TTC8: variants seen among roughly 807,000 people sequenced by gnomAD.
TTC8 encodes the protein tetratricopeptide repeat domain 8.
Under a neutral mutation model 72.5 loss-of-function variants are expected in TTC8, and 47 were observed. That is an observed-to-expected ratio of 0.65 (90% CI 0.51 to 0.83). The LOEUF (loss-of-function observed/expected upper bound fraction) is 0.83, where lower values mean the gene tolerates loss of function less well. TTC8 is among the 40% of genes least tolerant of loss of function. The pLI is 0.00. For synonymous variants in TTC8, 199 were observed against 221.4 expected, an observed-to-expected ratio of 0.90 and a Z score of 0.90; for missense variants, 611 against 623.2, an observed-to-expected ratio of 0.98 and a Z score of 0.21.
chr14:88,879,272 T>A (rs541749819), downstream of TTC8: 1 of 152,298 alleles, frequency 6.6e-6, no homozygotes, highest in Admixed American at 6.5e-5. Flanking sequence ...CAACATTTCC[T>A]ATGGACTGCG....
chr14:88,869,452 A>T (rs905427993), intron 10 of TTC8, among the ~76,000 whole-genome samples: 1 of 152,014 alleles, frequency 6.6e-6, no homozygotes, highest in Non-Finnish European at 1.5e-5. Context: ...TTCTTTCAAA[A>T]TGCAAATATG....
intron 7 of TTC8, among the ~76,000 whole-genome samples, chr14:88,844,603 G>A (rs1396897881): frequency 6.6e-6 from 1 of 151,702 alleles, no homozygotes; most frequent in African/African-American, 2.4e-5. Flanking sequence ...GGAATGCAGT[G>A]GTATTATCAC....
intron 12 of TTC8, 104 bp from the exon 13 acceptor site, chr14:88,872,226 G>A: frequency 6.7e-7 from 1 of 1,487,466 alleles, no homozygotes. Context: ...TAATTGTATG[G>A]TACTTGATGC....
At chr14:88,827,324 T>C (rs1004647557) in intron 1 of TTC8, among the ~76,000 whole-genome samples, 3 of 152,246 alleles carry the variant, frequency 2.0e-5, no homozygotes, top group Non-Finnish European at 4.4e-5. Context: ...TTTATTTTTA[T>C]GAGCAAGGGT....
At chr14:88,854,994 C>G (rs1403997679) in intron 8 of TTC8, among the ~76,000 whole-genome samples, 1 of 152,182 alleles carries the variant, frequency 6.6e-6, no homozygotes, top group African/African-American at 2.4e-5. Context: ...GCCATACTCC[C>G]ATTATTATGT....
Position 88,824,667 on chromosome 14 carries a change from T to C in TTC8, c.-41T>C, listed in dbSNP as rs1441501138. On this transcript the variant is annotated 5_prime_UTR_variant, in exon 1 of 15. Transcript: ENST00000380656. ...CAGCTCTTCACTCCACGCCCACCTC[T>C]CTCCTGGAGCGCTGGGCCTTCGCTG... 2.6e-6 allele frequency: 4 copies of C among 1,529,888 alleles called. No homozygotes were observed. The South Asian group carries it at 4.7e-5, about 18-fold the overall frequency. 94.8% of individuals were successfully genotyped at this position (1,529,888 alleles called of 1,614,324 possible). A position where few individuals can be genotyped will look rare whatever the true frequency, so the allele number is the denominator to read the frequency against.
At chr14:88,864,200 T>C (rs2094900055) in intron 10 of TTC8, among the ~76,000 whole-genome samples, 2 of 152,252 alleles carry the variant, frequency 1.3e-5, no homozygotes, top group South Asian at 2.1e-4. Context: ...AAAAGTATTT[T>C]AACATTGTCT....
At chr14:88,842,234 A>G (rs111490524) in intron 6 of TTC8, among the ~76,000 whole-genome samples, 1 of 152,196 alleles carries the variant, frequency 6.6e-6, no homozygotes, top group South Asian at 2.1e-4. Flanking sequence ...TTTAGCTGAA[A>G]TCTCTGAGCA....
At chr14:88,833,947 T>C in intron 2 of TTC8, 1 of 558,426 alleles carries the variant, frequency 1.8e-6, no homozygotes, top group Non-Finnish European at 3.2e-6. Flanking sequence ...GTCTACTCAT[T>C]GGGACTTGGA....
At chr14:88,829,701 A>G (rs967519100) in intron 1 of TTC8, among the ~76,000 whole-genome samples, 2 of 152,232 alleles carry the variant, frequency 1.3e-5, no homozygotes, top group Non-Finnish European at 2.9e-5. Flanking sequence ...ATCTCTGCTT[A>G]TAATGAGAGA....
intron 14 of TTC8, among the ~76,000 whole-genome samples, chr14:88,875,558 T>C (rs1190700849): frequency 6.6e-6 from 1 of 152,176 alleles, no homozygotes; most frequent in African/African-American, 2.4e-5. Context: ...GAAATAATAC[T>C]GTGTTGCAAG....
intron 2 of TTC8, 80 bp downstream of exon 2, chr14:88,833,802 A>C: frequency 7.7e-7 from 1 of 1,297,916 alleles, no homozygotes; most frequent in Admixed American, 1.7e-5. Flanking sequence ...AGATTAGAAA[A>C]TTTGCTGCAT....
At chr14:88,857,546 C>T (rs1223164073) in intron 9 of TTC8, among the ~76,000 whole-genome samples, 1 of 152,144 alleles carries the variant, frequency 6.6e-6, no homozygotes, top group Non-Finnish European at 1.5e-5. Context: ...GCTCACTACT[C>T]GCATAGGTAA....
chr14:88,872,488 C>T, intron 13 of TTC8, 36 bp downstream of exon 13: 1 of 1,611,514 alleles, frequency 6.2e-7, no homozygotes, highest in Non-Finnish European at 8.5e-7. Flanking sequence ...GGGCAGTCTG[C>T]TTTCTTCAGA....
intron 8 of TTC8, 78 bp downstream of exon 8, chr14:88,853,134 G>T (rs555186787): frequency 1.9e-6 from 2 of 1,045,324 alleles, no homozygotes; most frequent in Non-Finnish European, 3.0e-6. Flanking sequence ...TTTGAGGGGG[G>T]GGAGATTTTC....
intron 1 of TTC8, among the ~76,000 whole-genome samples, 190 bp from the exon 2 acceptor site, chr14:88,833,503 A>G (rs1172324530): frequency 1.3e-5 from 2 of 152,252 alleles, no homozygotes; most frequent in African/African-American, 4.8e-5. Flanking sequence ...TTGAAAATTT[A>G]GCATTCTTCA....
intron 9 of TTC8, among the ~76,000 whole-genome samples, chr14:88,860,265 A>G (rs1393633115): frequency 6.6e-6 from 1 of 152,000 alleles, no homozygotes; most frequent in East Asian, 1.9e-4. Flanking sequence ...TTTTTTCTCA[A>G]AGCACACCCT....
chr14:88,865,661 T>G (rs948810094), intron 10 of TTC8, among the ~76,000 whole-genome samples: 1 of 152,062 alleles, frequency 6.6e-6, no homozygotes, highest in Non-Finnish European at 1.5e-5. Flanking sequence ...AGAGTGAAAC[T>G]CCATCTCAAA....
chr14:88,856,781 T>C (rs1248044817), intron 8 of TTC8, among the ~76,000 whole-genome samples: 1 of 152,264 alleles, frequency 6.6e-6, no homozygotes, highest in Non-Finnish European at 1.5e-5. Context: ...TGTGCTTTTG[T>C]CTCAGAGCAG....
Sources: allele counts gnomAD v4.1 joint callset (sites outside exome capture counted in the v4.1 genomes callset), GRCh38; gene constraint gnomAD v4.1.1; transcripts MANE v1.5; gene names NCBI Gene and HGNC (gene_info 2026-07-23, HGNC 2026-07-21).